Variants in VPS13B observed in about 807,000 individuals in gnomAD.
VPS13B encodes the protein intermembrane lipid transfer protein VPS13B.
In VPS13B, 285 loss-of-function variants were observed where a neutral mutation model predicts 426.4. The ratio of observed to expected loss-of-function variants is 0.67; its 90% CI spans 0.61 to 0.74. The LOEUF is 0.74. VPS13B is among the 30% of genes least tolerant of loss of function. The pLI is 0.00. For synonymous variants in VPS13B, 1,676 were observed against 1,676.4 expected (o/e 1.00, Z 0.01); for missense variants, 4,537 against 4,782.6 (o/e 0.95, Z 1.51).
chr8:99,813,289 G>A (rs945090343), intron 44 of VPS13B, among the ~76,000 whole-genome samples: 2 of 152,084 alleles, frequency 1.3e-5, no homozygotes, highest in African/African-American at 4.8e-5. Context: ...CCACCAAGAG[G>A]ATCTTTGTCT....
intron 36 of VPS13B, among the ~76,000 whole-genome samples, chr8:99,709,451 A>G (rs530606545): frequency 2.0e-5 from 3 of 152,286 alleles, no homozygotes; most frequent in Admixed American, 6.5e-5. Context: ...TCATGAAACT[A>G]TTTGTTCCTT....
At chr8:99,335,090 G>A (rs1407051149) in intron 19 of VPS13B, among the ~76,000 whole-genome samples, 10 of 152,130 alleles carry the variant, frequency 6.6e-5, no homozygotes, top group Non-Finnish European at 1.5e-4. Context: ...TCTTGGGAGG[G>A]TGCATGTGTT....
At chr8:99,796,200 A>T (rs1387537203) in intron 43 of VPS13B, among the ~76,000 whole-genome samples, 1 of 152,172 alleles carries the variant, frequency 6.6e-6, no homozygotes, top group Non-Finnish European at 1.5e-5. Context: ...TGAGGTAAGA[A>T]TTGAAAAAAA....
chr8:99,598,339 G>A (rs2133852177), intron 33 of VPS13B, among the ~76,000 whole-genome samples: 1 of 152,094 alleles, frequency 6.6e-6, no homozygotes, highest in South Asian at 2.1e-4. Flanking sequence ...TATTTAGTAA[G>A]GAAATATCTG....
At chr8:99,328,690 T>C (rs1032454765) in intron 19 of VPS13B, among the ~76,000 whole-genome samples, 1 of 152,202 alleles carries the variant, frequency 6.6e-6, no homozygotes, top group African/African-American at 2.4e-5. Flanking sequence ...GGTCTTTTTA[T>C]AAAATGGCTA....
intron 17 of VPS13B, among the ~76,000 whole-genome samples, chr8:99,257,026 T>C (rs1817780374): frequency 6.6e-6 from 1 of 152,138 alleles, no homozygotes; most frequent in Non-Finnish European, 1.5e-5. Flanking sequence ...AAATATTCAT[T>C]GAATGAATGA....
intron 19 of VPS13B, among the ~76,000 whole-genome samples, chr8:99,361,715 T>A (rs553520546): frequency 6.6e-6 from 1 of 152,282 alleles, no homozygotes; most frequent in Admixed American, 6.5e-5. Context: ...GCCAGATAAT[T>A]CAACAAACTT....
chr8:99,656,523 G>A (rs1170658793), intron 34 of VPS13B, among the ~76,000 whole-genome samples: 2 of 152,108 alleles, frequency 1.3e-5, no homozygotes, highest in Non-Finnish European at 2.9e-5. Context: ...ACATTCCCCA[G>A]TGTGTTGACC....
chr8:99,271,893 A>G (rs1818629252), intron 17 of VPS13B, among the ~76,000 whole-genome samples: 1 of 152,148 alleles, frequency 6.6e-6, no homozygotes, highest in Admixed American at 6.5e-5. Context: ...ATAATTCAAC[A>G]TGGGGTTTGG....
At chr8:99,340,556 G>C in intron 19 of VPS13B, 1 of 466,302 alleles carries the variant, frequency 2.1e-6, no homozygotes, top group Non-Finnish European at 4.3e-6. Context: ...CTGGTCACCT[G>C]GGTGGTAATT....
Position 99,171,417 on chromosome 8 carries a change from C to A in VPS13B, c.2333+1254C>A, listed in dbSNP as rs1043972235. Among the ~76,000 whole-genome samples the A allele has an allele frequency of 4.4e-4, 67 of 151,688 alleles. 1 individual carries two copies. The highest frequency in any genetic ancestry group is 1.5e-3 in the African/African-American group (62 of 41,350). ...GCTGATTAATTTATCATTTCTAGGA[C>A]CAAAATAGTTTTATTGCAAACAGTG... On this transcript the variant is annotated intron_variant, in intron 16 of 61. Transcript: ENST00000357162.
At chr8:99,467,098 A>C (rs1035105098) in intron 23 of VPS13B, among the ~76,000 whole-genome samples, 2 of 152,188 alleles carry the variant, frequency 1.3e-5, no homozygotes, top group African/African-American at 4.8e-5. Flanking sequence ...TCTGGCCTCC[A>C]GGGTTTGCAT....
At chr8:99,829,798 G>GT in intron 51 of VPS13B, among the ~76,000 whole-genome samples, 1 of 152,252 alleles carries the variant, frequency 6.6e-6, no homozygotes, top group East Asian at 1.9e-4. Context: ...TGTCCTTTTT[G>GT]TTGATGTTGA....
chr8:99,132,849 A>C (rs909830509), intron 8 of VPS13B, among the ~76,000 whole-genome samples: 27 of 152,158 alleles, frequency 1.8e-4, no homozygotes, highest in Admixed American at 1.8e-3. Context: ...ATAGGCTTAA[A>C]GTATTTAGTA....
At chr8:99,313,129 C>T (rs779451827) in intron 19 of VPS13B, among the ~76,000 whole-genome samples, 5 of 152,146 alleles carry the variant, frequency 3.3e-5, no homozygotes, top group Admixed American at 2.6e-4. Flanking sequence ...TTCTTTAGCT[C>T]GGAGAAGTTT....
chr8:99,727,970 G>A (rs548398955), intron 39 of VPS13B, among the ~76,000 whole-genome samples: 44 of 152,306 alleles, frequency 2.9e-4, no homozygotes, highest in Non-Finnish European at 5.1e-4. Flanking sequence ...TTCAAATCAT[G>A]TAACCACCTA....
intron 44 of VPS13B, among the ~76,000 whole-genome samples, chr8:99,809,921 C>T (rs991505918): frequency 2.0e-5 from 3 of 152,122 alleles, no homozygotes; most frequent in African/African-American, 4.8e-5. Context: ...AGTTGGTTCT[C>T]ATGCACGTGA....
chr8:99,466,851 G>A (rs1375581428), intron 23 of VPS13B, among the ~76,000 whole-genome samples: 1 of 152,066 alleles, frequency 6.6e-6, no homozygotes, highest in Non-Finnish European at 1.5e-5. Flanking sequence ...ATATTAGATT[G>A]TTTATTCTTT....
chr8:99,202,963 G>GGTGGAGCTTGCA (rs1446589792), intron 17 of VPS13B, among the ~76,000 whole-genome samples: 8 of 152,116 alleles, frequency 5.3e-5, no homozygotes, highest in Admixed American at 3.9e-4. Flanking sequence ...GAACCCAGGA[G>GGTGGAGCTTGCA]GTGGAGCTTG....
Sources: gnomAD v4.1 joint callset for allele counts (sites outside exome capture counted in the v4.1 genomes callset) on GRCh38, gnomAD v4.1.1 for gene constraint, MANE v1.5 for transcripts, NCBI Gene and HGNC (gene_info 2026-07-23, HGNC 2026-07-21) for gene names.